The following SRPK2 variants were observed in gnomAD, a reference collection of about 807,000 sequenced individuals.
SRPK2 encodes SFRS protein kinase 2.
A neutral mutation model predicts 90.8 loss-of-function variants in SRPK2; 21 were observed. The observed-to-expected ratio is 0.23, with a 90% CI of 0.16 to 0.33. The LOEUF (loss-of-function observed/expected upper bound fraction) is 0.33. Ranked by LOEUF, SRPK2 falls within the 10% of genes least tolerant of loss-of-function variation. The pLI, the probability that SRPK2 is intolerant of heterozygous loss-of-function variation, is 1.00. For missense variants in SRPK2, 620 were observed against 869.0 expected, an observed-to-expected ratio of 0.71 and a Z score of 3.60; for synonymous variants, 288 against 311.1, an observed-to-expected ratio of 0.93 and a Z score of 0.78.
At chr7:105,168,438 CA>C (rs1255382963) in intron 4 of SRPK2, among the ~76,000 whole-genome samples, 3 of 152,024 alleles carry the variant, frequency 2.0e-5, no homozygotes, top group Non-Finnish European at 4.4e-5. Flanking sequence ...ACAAATATTC[CA>C]AAATCCAAAA....
At chr7:105,207,363 T>G (rs142584494) in intron 2 of SRPK2, among the ~76,000 whole-genome samples, 13 of 152,166 alleles carry the variant, frequency 8.5e-5, no homozygotes, top group African/African-American at 3.1e-4. Context: ...CCTGGTTAAA[T>G]TACAACACTG....
chr7:105,214,185 T>C (rs1797176931), intron 2 of SRPK2, among the ~76,000 whole-genome samples: 1 of 152,208 alleles, frequency 6.6e-6, no homozygotes, highest in Non-Finnish European at 1.5e-5. Context: ...TATTGGACAG[T>C]AATGCTGCAG....
At chr7:105,374,416 A>G (rs775733685) in intron 2 of SRPK2, among the ~76,000 whole-genome samples, 16 of 152,316 alleles carry the variant, frequency 1.1e-4, no homozygotes, top group African/African-American at 3.8e-4. Flanking sequence ...CTTTGACCTA[A>G]TATTTCCATT....
intron 3 of SRPK2, among the ~76,000 whole-genome samples, chr7:105,194,327 C>T (rs1256439835): frequency 6.6e-6 from 1 of 152,012 alleles, no homozygotes; most frequent in Admixed American, 6.6e-5. Context: ...TCTATTCTTA[C>T]CACTTCTATT....
At chr7:105,228,457 A>G (rs1334253379) in intron 2 of SRPK2, among the ~76,000 whole-genome samples, 1 of 152,246 alleles carries the variant, frequency 6.6e-6, no homozygotes, top group African/African-American at 2.4e-5. Context: ...AGATGAAATA[A>G]AAAGTTCTTT....
chr7:105,387,624 A>AG (rs1234977581), intron 2 of SRPK2, among the ~76,000 whole-genome samples: 1 of 152,050 alleles, frequency 6.6e-6, no homozygotes, highest in Admixed American at 6.6e-5. Flanking sequence ...TACCCCTCAA[A>AG]GGAAACAACC....
chr7:105,348,705 G>C (rs1172911656), intron 2 of SRPK2, among the ~76,000 whole-genome samples: 2 of 151,426 alleles, frequency 1.3e-5, no homozygotes, highest in African/African-American at 4.9e-5. Flanking sequence ...TTACAGGCGT[G>C]AGCCACCATG....
intron 2 of SRPK2, among the ~76,000 whole-genome samples, chr7:105,252,842 C>G (rs1223795946): frequency 6.6e-6 from 1 of 150,526 alleles, no homozygotes; most frequent in African/African-American, 2.4e-5. Flanking sequence ...CTCCCAGGTT[C>G]AAGAAATTCT....
upstream of SRPK2, among the ~76,000 whole-genome samples, chr7:105,391,132 A>G (rs971511799): frequency 6.6e-6 from 1 of 152,228 alleles, no homozygotes; most frequent in Admixed American, 6.5e-5. Flanking sequence ...AGGAAAATAC[A>G]AAGCAAAACT....
At chr7:105,383,289 G>T (rs1449473556) in intron 2 of SRPK2, among the ~76,000 whole-genome samples, 1 of 150,428 alleles carries the variant, frequency 6.6e-6, no homozygotes, top group South Asian at 2.1e-4. Context: ...GGATGGTCTC[G>T]ATCTCCTGAC....
chr7:105,150,033 C>G (rs139557806), intron 7 of SRPK2, among the ~76,000 whole-genome samples: 39 of 151,228 alleles, frequency 2.6e-4, no homozygotes, highest in African/African-American at 7.0e-4. Context: ...ATGAGTATGA[C>G]GGGTGGGGTA....
chr7:105,325,429 G>C (rs1813446637), intron 2 of SRPK2, among the ~76,000 whole-genome samples: 1 of 134,516 alleles, frequency 7.4e-6, no homozygotes, highest in South Asian at 2.4e-4. Context: ...AGACAGAAAT[G>C]TCAAGACAAG....
chr7:105,377,426 CT>C (rs1410635804), intron 2 of SRPK2, among the ~76,000 whole-genome samples: 3 of 152,122 alleles, frequency 2.0e-5, no homozygotes, highest in Admixed American at 6.6e-5. Context: ...GGCGCGGTGG[CT>C]CATGCCTATA....
chr7:105,138,081 G>A (rs1375897047), intron 11 of SRPK2, among the ~76,000 whole-genome samples: 1 of 152,198 alleles, frequency 6.6e-6, no homozygotes, highest in Non-Finnish European at 1.5e-5. Flanking sequence ...TCTACCTGAT[G>A]CAACAGGTAT....
At chr7:105,388,554 G>A (rs1821931313) in intron 2 of SRPK2, 94 bp downstream of exon 2, 4 of 1,164,314 alleles carry the variant, frequency 3.4e-6, no homozygotes, top group East Asian at 3.3e-5. Flanking sequence ...CCCGCCCGCC[G>A]GCCCGGGGAC....
chr7:105,318,204 C>T (rs1160717929), intron 2 of SRPK2, among the ~76,000 whole-genome samples: 1 of 152,202 alleles, frequency 6.6e-6, no homozygotes, highest in East Asian at 1.9e-4. Flanking sequence ...AAGCGATTCT[C>T]CTACCTCAGT....
intron 2 of SRPK2, among the ~76,000 whole-genome samples, chr7:105,263,456 G>T (rs10953473): frequency 0.17 from 25,535 of 152,096 alleles, 2,808 homozygotes; most frequent in East Asian, 0.58. Flanking sequence ...ATATGAGACT[G>T]AATTAATTAC....
chr7:105,349,002 C>T (rs1465387322), intron 2 of SRPK2, among the ~76,000 whole-genome samples: 5 of 150,206 alleles, frequency 3.3e-5, no homozygotes, highest in African/African-American at 4.9e-5. Flanking sequence ...AAAAATTAGC[C>T]GGGCGTGGTG....
intron 2 of SRPK2, among the ~76,000 whole-genome samples, chr7:105,355,999 G>C (rs537217475): frequency 6.6e-6 from 1 of 152,198 alleles, no homozygotes; most frequent in East Asian, 1.9e-4. Flanking sequence ...AGTGAGCTGA[G>C]ACCATGCCAC....
Sources: allele counts gnomAD v4.1 joint callset (sites outside exome capture counted in the v4.1 genomes callset), GRCh38; gene constraint gnomAD v4.1.1; transcripts MANE v1.5; gene names NCBI Gene and HGNC (gene_info 2026-07-23, HGNC 2026-07-21).